Variants in ZNF423 observed in about 807,000 individuals in gnomAD.
ZNF423 encodes the protein Ebf-associated zinc finger protein.
A neutral mutation model predicts 95.8 loss-of-function variants in ZNF423; 12 were observed. The observed-to-expected ratio is 0.13, with a 90% CI of 0.08 to 0.20. The LOEUF is 0.20. Among genes scored for constraint, ZNF423 ranks in the 10% least tolerant of loss-of-function variants. The probability of loss-of-function intolerance (pLI) is 1.00; values close to 1 mark genes in which losing one functional copy is unlikely to be tolerated. For synonymous variants in ZNF423, 749 were observed against 711.9 expected (o/e 1.05, Z -0.83); for missense variants, 1,316 against 1,737.1 (o/e 0.76, Z 4.31).
chr16:49,622,948 G>A (rs985371561), intron 5 of ZNF423, among the ~76,000 whole-genome samples: 1 of 152,136 alleles, frequency 6.6e-6, no homozygotes, highest in African/African-American at 2.4e-5. Context: ...CATGTCCCCT[G>A]TACTCCCGTC....
chr16:49,612,061 A>C (rs1280006205), intron 5 of ZNF423, among the ~76,000 whole-genome samples: 1 of 152,126 alleles, frequency 6.6e-6, no homozygotes, highest in African/African-American at 2.4e-5. Context: ...AAATGTTTAA[A>C]GAAGAATCAA....
intron 1 of ZNF423, among the ~76,000 whole-genome samples, chr16:49,794,833 G>A (rs1159258847): frequency 6.6e-6 from 1 of 152,146 alleles, no homozygotes; most frequent in Non-Finnish European, 1.5e-5. Flanking sequence ...TTGTATCCCA[G>A]TGCCTAGCTC....
rs375832254 is a variant in ZNF423 at position 49,532,977 on chromosome 16, G to A, written c.3602-7483C>T. On this transcript the variant is annotated intron_variant, in intron 5 of 7. Coordinates refer to ENST00000563137, the MANE Select transcript of ZNF423 (RefSeq NM_001379286.1). ...CATCTGGGTAGAATGCCAATTCCACGCATGGGCACGTGGGTGTGGGTGGGA... is the reference window on the plus strand; with the variant it reads ...CATCTGGGTAGAATGCCAATTCCACACATGGGCACGTGGGTGTGGGTGGGA... Among the ~76,000 whole-genome samples, 278 of 152,268 alleles carry A rather than the reference G, an allele frequency of 1.8e-3. 1 individual carries two copies. The highest frequency in any genetic ancestry group is 3.6e-3 in the Non-Finnish European group (248 of 68,022).
At chr16:49,550,577 C>T (rs543427917) in intron 5 of ZNF423, among the ~76,000 whole-genome samples, 5 of 152,382 alleles carry the variant, frequency 3.3e-5, no homozygotes, top group South Asian at 2.1e-4. Flanking sequence ...TCTCTTTCTA[C>T]AAAACCTGCA....
chr16:49,674,564 G>A (rs568111841), intron 3 of ZNF423, among the ~76,000 whole-genome samples: 2 of 152,214 alleles, frequency 1.3e-5, no homozygotes, highest in African/African-American at 4.8e-5. Context: ...TCCACCCCCT[G>A]CACCACCAGG....
At chr16:49,756,065 T>C (rs542399196) in intron 2 of ZNF423, among the ~76,000 whole-genome samples, 1 of 152,008 alleles carries the variant, frequency 6.6e-6, no homozygotes, top group South Asian at 2.1e-4. Context: ...GTAGAAGAAA[T>C]AGGGAGCCAC....
intron 5 of ZNF423, among the ~76,000 whole-genome samples, chr16:49,577,123 T>C (rs980054302): frequency 2.6e-5 from 4 of 152,034 alleles, no homozygotes; most frequent in African/African-American, 4.8e-5. Context: ...ATGGAAGACC[T>C]GGGGTCAGGC....
At chr16:49,533,794 C>T (rs976640612) in intron 5 of ZNF423, among the ~76,000 whole-genome samples, 3 of 152,208 alleles carry the variant, frequency 2.0e-5, no homozygotes, top group African/African-American at 4.8e-5. Context: ...CAGTCTCTGA[C>T]TGTGAAATGG....
intron 5 of ZNF423, among the ~76,000 whole-genome samples, chr16:49,579,792 A>T (rs535483693): frequency 4.3e-4 from 65 of 152,270 alleles, no homozygotes; most frequent in African/African-American, 1.5e-3. Context: ...GTCCTGCGAG[A>T]TGACCTCTCC....
intron 3 of ZNF423, among the ~76,000 whole-genome samples, chr16:49,720,344 A>G (rs1459591476): frequency 6.6e-6 from 1 of 152,202 alleles, no homozygotes; most frequent in African/African-American, 2.4e-5. Flanking sequence ...AGCTGCATAT[A>G]CACGGGCACC....
At position 49,492,320 on chromosome 16, in the gene ZNF423, G is replaced by A. The variant is rs1401115344; in HGVS notation, c.3850-1016C>T. ...GGCCGCACAGGACCCTAGATCCCCG[G>A]GAGAGGCTCCTTCTGGGCGCCCCCC... On this transcript the variant is annotated intron_variant, in intron 7 of 7. Transcript: ENST00000563137. This position sits in a 1 kb window ranked among gnomAD's most constrained non-coding sequence, Gnocchi z 4.2. Among the ~76,000 whole-genome samples, 4 of 152,226 alleles carry A rather than the reference G, an allele frequency of 2.6e-5. No individual in the cohort carries two copies. Among genetic ancestry groups the A allele is most frequent in the Non-Finnish European group, 4.4e-5 (3 of 68,042 alleles).
chr16:49,542,935 C>A (rs1200453554), intron 5 of ZNF423, among the ~76,000 whole-genome samples: 2 of 152,156 alleles, frequency 1.3e-5, no homozygotes, highest in African/African-American at 4.8e-5. Flanking sequence ...GTCTGCAACC[C>A]CTCAAGTCCC....
At chr16:49,563,856 A>G (rs1970095869) in intron 5 of ZNF423, among the ~76,000 whole-genome samples, 1 of 152,218 alleles carries the variant, frequency 6.6e-6, no homozygotes. Flanking sequence ...GCAAGAAACC[A>G]CGAGAATTCC....
chr16:49,801,414 C>T (rs765692062), intron 1 of ZNF423, among the ~76,000 whole-genome samples: 54 of 152,210 alleles, frequency 3.5e-4, no homozygotes, highest in Non-Finnish European at 3.1e-4. Flanking sequence ...GGGGCCCAGA[C>T]GAGGCGGCAA....
chr16:49,662,278 A>G (rs1434271520), intron 3 of ZNF423, among the ~76,000 whole-genome samples: 1 of 152,114 alleles, frequency 6.6e-6, no homozygotes, highest in African/African-American at 2.4e-5. Flanking sequence ...AATGAAGGGG[A>G]ATCCACTCCC....
At chr16:49,529,980 G>A (rs535516112) in intron 5 of ZNF423, among the ~76,000 whole-genome samples, 2 of 152,182 alleles carry the variant, frequency 1.3e-5, no homozygotes, top group African/African-American at 2.4e-5. Context: ...AATGACTTCC[G>A]CCTGGTGTTG....
chr16:49,787,667 C>A (rs1186496376), intron 2 of ZNF423, among the ~76,000 whole-genome samples: 1 of 152,206 alleles, frequency 6.6e-6, no homozygotes, highest in Non-Finnish European at 1.5e-5. Context: ...AGACACCTCA[C>A]TGCCTAGGGG....
At chr16:49,646,568 C>CTTTTTTTTTTTTT (rs1194511671) in intron 3 of ZNF423, among the ~76,000 whole-genome samples, 1 of 120,716 alleles carries the variant, frequency 8.3e-6, no homozygotes, top group Non-Finnish European at 1.8e-5. Context: ...ATTTTCTTTT[C>CTTTTTTTTTTTTT]TTTTTCTTTT....
At chr16:49,666,881 G>GA (rs57740150) in intron 3 of ZNF423, among the ~76,000 whole-genome samples, 3,504 of 152,300 alleles carry the variant, frequency 0.023, 134 homozygotes, top group African/African-American at 0.08. Flanking sequence ...TGGGACCCCA[G>GA]AAAAAAGGGC....
Sources: allele counts gnomAD v4.1 joint callset (sites outside exome capture counted in the v4.1 genomes callset), GRCh38; gene constraint gnomAD v4.1.1; non-coding constraint Gnocchi (gnomAD v3.1); transcripts MANE v1.5; gene names NCBI Gene and HGNC (gene_info 2026-07-23, HGNC 2026-07-21).